Variants in AGTR1 observed in about 807,000 individuals in gnomAD.
The protein encoded by AGTR1 is type-1 angiotensin II receptor.
Under a neutral mutation model 19.4 loss-of-function variants are expected in AGTR1, and 16 were observed. The observed-to-expected ratio is 0.82, with a 90% CI of 0.56 to 1.25. The LOEUF (loss-of-function observed/expected upper bound fraction) is 1.25. Among genes scored for constraint, AGTR1 ranks in the 50% most tolerant of loss-of-function variants. The pLI, the probability that AGTR1 is intolerant of heterozygous loss-of-function variation, is 0.00. For synonymous variants in AGTR1, 153 were observed against 154.9 expected (o/e 0.99, Z 0.09); for missense variants, 373 against 431.9 (o/e 0.86, Z 1.21).
At chr3:148,728,006 C>A (rs1714052330) in intron 2 of AGTR1, among the ~76,000 whole-genome samples, 2 of 152,020 alleles carry the variant, frequency 1.3e-5, no homozygotes, top group African/African-American at 4.8e-5. Context: ...GCTAGTAATA[C>A]CCCCCACACC....
intron 2 of AGTR1, among the ~76,000 whole-genome samples, chr3:148,738,685 A>C (rs544605130): frequency 2.9e-4 from 44 of 152,306 alleles, no homozygotes; most frequent in Admixed American, 5.9e-4. Context: ...TCTGTTTTCT[A>C]AACCACAAGT....
At chr3:148,733,573 A>T (rs1326646916) in intron 2 of AGTR1, among the ~76,000 whole-genome samples, 1 of 152,210 alleles carries the variant, frequency 6.6e-6, no homozygotes, top group East Asian at 1.9e-4. Flanking sequence ...CACAAATTGG[A>T]TGAAGCAATT....
chr3:148,699,389 A>G lies in AGTR1; in HGVS notation c.-132+1262A>G, dbSNP rs528850337. 6.2e-4 allele frequency among the ~76,000 whole-genome samples: 95 copies of G among 152,246 alleles called. 1 individual carries two copies. Among genetic ancestry groups the G allele is most frequent in the African/African-American group, 2.0e-3 (84 of 41,524 alleles). On this transcript the variant is annotated intron_variant, in intron 1 of 2. Transcript: ENST00000349243. The stretch of plus-strand genomic sequence containing the variant: ...AGTCTTCTCTAAGGAAGAAACTGCC[A>G]TACTTCCCTTGTCTTCTCCGGTGTT...
intron 1 of AGTR1, among the ~76,000 whole-genome samples, chr3:148,701,832 G>C (rs1452992391): frequency 6.6e-6 from 1 of 152,076 alleles, no homozygotes; most frequent in African/African-American, 2.4e-5. Flanking sequence ...CAACTTTTGT[G>C]TGATTTCTTG....
At chr3:148,718,185 C>G (rs1419443939) in intron 2 of AGTR1, among the ~76,000 whole-genome samples, 1 of 152,178 alleles carries the variant, frequency 6.6e-6, no homozygotes, top group Non-Finnish European at 1.5e-5. Flanking sequence ...TGCCTGGCAA[C>G]AAATGTAGCC....
intron 2 of AGTR1, among the ~76,000 whole-genome samples, chr3:148,732,959 C>T (rs1474942282): frequency 6.6e-6 from 1 of 151,578 alleles, no homozygotes. Context: ...CCGGGATGGT[C>T]TCGATCTCCT....
chr3:148,732,369 C>T (rs367611112), intron 2 of AGTR1, among the ~76,000 whole-genome samples: 1 of 152,142 alleles, frequency 6.6e-6, no homozygotes, highest in Non-Finnish European at 1.5e-5. Context: ...AACCAGCTAT[C>T]CAAATGTGCC....
chr3:148,742,294 C>A lies in AGTR1; in HGVS notation c.*179C>A. 1.1e-6 allele frequency: 1 copy of A among 926,256 alleles called. No individual in the cohort carries two copies. Among genetic ancestry groups the A allele is most frequent in the Non-Finnish European group, 1.8e-6 (1 of 565,542 alleles). The allele number at this position is 926,256 out of a possible 1,614,324, so 57.4% of individuals were successfully genotyped here. ...GAACAAAAGCTTTTCTTTCCTTTTG[C>A]AACAAGACAAAGCAAAGCCACATTT... is the stretch of plus-strand genomic sequence containing the variant. On this transcript the variant is annotated 3_prime_UTR_variant, in exon 3 of 3. Coordinates refer to ENST00000349243, the MANE Select transcript of AGTR1 (RefSeq NM_000685.5).
At chr3:148,706,871 C>G (rs1162373352) in intron 1 of AGTR1, among the ~76,000 whole-genome samples, 1 of 151,674 alleles carries the variant, frequency 6.6e-6, no homozygotes, top group East Asian at 1.9e-4. Context: ...TTGGTATAAC[C>G]TTAACGGAGG....
chr3:148,734,225 C>G (rs942342192), intron 2 of AGTR1, among the ~76,000 whole-genome samples: 2 of 152,130 alleles, frequency 1.3e-5, no homozygotes, highest in African/African-American at 4.8e-5. Flanking sequence ...TAACATTTTA[C>G]TTTCATTGTA....
intron 2 of AGTR1, among the ~76,000 whole-genome samples, chr3:148,733,760 T>C (rs950536871): frequency 2.0e-5 from 3 of 152,202 alleles, no homozygotes; most frequent in Non-Finnish European, 4.4e-5. Context: ...GTCTATAAGT[T>C]TGAAGAATTT....
At chr3:148,724,273 A>G (rs1014189573) in intron 2 of AGTR1, among the ~76,000 whole-genome samples, 1 of 152,100 alleles carries the variant, frequency 6.6e-6, no homozygotes, top group South Asian at 2.1e-4. Context: ...CCCAGCCTAT[A>G]TATGTATTTG....
At chr3:148,699,946 C>T (rs12695866) in intron 1 of AGTR1, among the ~76,000 whole-genome samples, 1 of 152,166 alleles carries the variant, frequency 6.6e-6, no homozygotes. Context: ...TCCACCGGTT[C>T]CACTGATGCC....
chr3:148,703,373 G>T (rs1236337410), intron 1 of AGTR1, among the ~76,000 whole-genome samples: 3 of 152,176 alleles, frequency 2.0e-5, no homozygotes, highest in Non-Finnish European at 4.4e-5. Flanking sequence ...AAATCCTCAG[G>T]TGATTCAAAT....
At chr3:148,700,385 C>T (rs1712267738) in intron 1 of AGTR1, among the ~76,000 whole-genome samples, 1 of 152,098 alleles carries the variant, frequency 6.6e-6, no homozygotes, top group African/African-American at 2.4e-5. Context: ...TGCATGTCTG[C>T]TGTCATTTTA....
At chr3:148,739,318 C>T (rs540751338) in intron 2 of AGTR1, among the ~76,000 whole-genome samples, 1 of 151,346 alleles carries the variant, frequency 6.6e-6, no homozygotes, top group Non-Finnish European at 1.5e-5. Context: ...AAGATCGCAC[C>T]ACTGCACTCC....
chr3:148,710,939 T>C (rs12721191), intron 2 of AGTR1, among the ~76,000 whole-genome samples: 2,225 of 152,246 alleles, frequency 0.015, 45 homozygotes, highest in African/African-American at 0.05. Flanking sequence ...TGTGACATGC[T>C]GGTTCCCTAT....
In AGTR1 at chr3:148,741,396, T is replaced by C. The variant is rs1714875679; in HGVS notation, c.361T>C (p.Cys121Arg). The C allele has an allele frequency of 6.2e-6, 10 of 1,603,050 alleles. No homozygotes were observed. Among genetic ancestry groups the C allele is most frequent in the Non-Finnish European group, 8.5e-6 (10 of 1,177,812 alleles). ...GTACGCTAGTGTGTTTCTACTCACGTGTCTCAGCATTGATCGATACCTGGC... is the reference window on the plus strand; with the variant it reads ...GTACGCTAGTGTGTTTCTACTCACGCGTCTCAGCATTGATCGATACCTGGC... ...NLYASVFLLT[C>R]LSIDRYLAIV... Residue 121 changes from cysteine to arginine, a missense_variant, in exon 3 of 3, where the codon TGT becomes CGT. Coordinates refer to ENST00000349243, the MANE Select transcript of AGTR1 (RefSeq NM_000685.5).
intron 2 of AGTR1, 82 bp from the exon 3 acceptor site, chr3:148,740,907 A>G (rs954501153): frequency 1.5e-5 from 20 of 1,293,600 alleles, no homozygotes; most frequent in Non-Finnish European, 1.9e-5. Context: ...TACTACGTTT[A>G]TGACTGAGAA....
Sources: gnomAD v4.1 joint callset for allele counts (sites outside exome capture counted in the v4.1 genomes callset) on GRCh38, gnomAD v4.1.1 for gene constraint, MANE v1.5 for transcripts, NCBI Gene and HGNC (gene_info 2026-07-23, HGNC 2026-07-21) for gene names.